DMD: variants seen among roughly 807,000 people sequenced by gnomAD.
The protein encoded by DMD is dystrophin.
In DMD, 63 loss-of-function variants were observed where a neutral mutation model predicts 330.1. The observed-to-expected ratio is 0.19, with a 90% CI of 0.16 to 0.24. The LOEUF is 0.24. Ranked by LOEUF, DMD falls within the 10% of genes least tolerant of loss-of-function variation. The probability of loss-of-function intolerance (pLI) is 1.00; values close to 1 mark genes in which losing one functional copy is unlikely to be tolerated. For missense variants in DMD, 3,344 were observed against 2,684.1 expected (o/e 1.25, Z -5.43); for synonymous variants, 1,223 against 959.8 (o/e 1.27, Z -5.07).
At chrX:33,187,895 A>G (rs899999608) in intron 1 of DMD, among the ~76,000 whole-genome samples, 1 of 111,762 alleles carries the variant, frequency 8.9e-6, no homozygotes, top group African/African-American at 3.2e-5. Flanking sequence ...TTAAGTTGCA[A>G]TAATTAAATT....
intron 61 of DMD, among the ~76,000 whole-genome samples, chrX:31,334,336 C>T (rs1490239323): frequency 8.9e-6 from 1 of 112,209 alleles, no homozygotes; most frequent in Non-Finnish European, 1.9e-5. Context: ...AGGGACCAAG[C>T]AATTATAAAC....
At chrX:31,530,083 T>C (rs1242300473) in intron 55 of DMD, among the ~76,000 whole-genome samples, 1 of 111,792 alleles carries the variant, frequency 8.9e-6, no homozygotes, top group Non-Finnish European at 1.9e-5. Flanking sequence ...ATTCCCCCTG[T>C]ATTTCATACC....
chrX:33,322,494 G>C (rs191975198), intron 1 of DMD, among the ~76,000 whole-genome samples: 1 of 111,400 alleles, frequency 9.0e-6, no homozygotes, highest in Admixed American at 9.6e-5. Flanking sequence ...AATGACAATA[G>C]TAACTTCAAA....
Position 31,839,720 on chromosome X carries a change from G to T in DMD, c.7099-2901C>A, listed in dbSNP as rs1183303900. On this transcript the variant is annotated intron_variant, in intron 48 of 78. Coordinates refer to ENST00000357033, the MANE Select transcript of DMD (RefSeq NM_004006.3). ...CACATTTTTCTTCTTAGCTGAATTT[G>T]TATAATTTAATCTCCATCTAGCAAT... Among the ~76,000 whole-genome samples, 13 of 111,572 alleles carry T rather than the reference G, an allele frequency of 1.2e-4. No individual in the cohort carries two copies. The Admixed American group carries it at 1.2e-3, about 11-fold the overall frequency.
At chrX:31,383,224 A>T (rs142603399) in intron 60 of DMD, among the ~76,000 whole-genome samples, 8,156 of 110,624 alleles carry the variant, frequency 0.074, 729 homozygotes, top group African/African-American at 0.25. Flanking sequence ...AATTTTCCTT[A>T]ACCTACCCAA....
chrX:31,831,756 G>A (rs1252323269), intron 49 of DMD, among the ~76,000 whole-genome samples: 2 of 110,431 alleles, frequency 1.8e-5, no homozygotes, highest in Non-Finnish European at 3.8e-5. Flanking sequence ...CTGCCACCAA[G>A]CCCGGCTAAT....
At chrX:31,855,562 A>C (rs890154717) in intron 48 of DMD, among the ~76,000 whole-genome samples, 2 of 111,950 alleles carry the variant, frequency 1.8e-5, no homozygotes, top group African/African-American at 6.5e-5. Flanking sequence ...TTCAATTCTG[A>C]CTTCATGACT....
chrX:32,538,177 A>T (rs761023397), intron 17 of DMD, among the ~76,000 whole-genome samples: 8 of 112,550 alleles, frequency 7.1e-5, no homozygotes, highest in Middle Eastern at 9.3e-3. Context: ...TCTGAGCCCA[A>T]GCTAAGCCAT....
At chrX:32,174,420 C>A (rs906335773) in intron 44 of DMD, among the ~76,000 whole-genome samples, 5 of 112,367 alleles carry the variant, frequency 4.4e-5, no homozygotes, top group Non-Finnish European at 7.5e-5. Context: ...AAGTGAGAGT[C>A]TGCAAACTGC....
At chrX:31,453,416 C>T (rs2065907591) in intron 59 of DMD, among the ~76,000 whole-genome samples, 1 of 110,829 alleles carries the variant, frequency 9.0e-6, no homozygotes, top group African/African-American at 3.3e-5. Context: ...CCTGCCTTGG[C>T]CTCCCAAAGT....
chrX:32,657,480 AG>A (rs928170631), intron 9 of DMD, among the ~76,000 whole-genome samples: 5 of 111,887 alleles, frequency 4.5e-5, no homozygotes, highest in East Asian at 5.6e-4. Flanking sequence ...ACACCCTAAA[AG>A]GGGGGACCTA....
chrX:31,889,647 T>TCTCTCACACACACACA (rs796563415), intron 47 of DMD, among the ~76,000 whole-genome samples: 1 of 71,615 alleles, frequency 1.4e-5, no homozygotes, highest in African/African-American at 5.6e-5. Flanking sequence ...TCTCTCTCTC[T>TCTCTCACACACACACA]CACACACACA....
chrX:32,439,935 G>GT (rs2098275334), intron 28 of DMD, among the ~76,000 whole-genome samples: 2 of 110,951 alleles, frequency 1.8e-5, no homozygotes, highest in Admixed American at 1.9e-4. Flanking sequence ...AATAGTAATG[G>GT]TAAGTTTTGT....
intron 45 of DMD, among the ~76,000 whole-genome samples, chrX:31,943,878 TGAGAGAGAGAGAGAGAGAGAGAGA>T (rs536982335): frequency 0.053 from 3,965 of 74,374 alleles, 79 homozygotes; most frequent in Non-Finnish European, 0.054. Flanking sequence ...CCCCAGAGAG[TGAGAGAGAGAGAGAGAGAGAGAGA>T]GAGAGAGAGA....
chrX:32,306,837 C>G (rs1415687545), intron 42 of DMD, among the ~76,000 whole-genome samples: 1 of 111,006 alleles, frequency 9.0e-6, no homozygotes, highest in South Asian at 3.8e-4. Context: ...AGACATTCTG[C>G]TCTACCATAA....
intron 61 of DMD, among the ~76,000 whole-genome samples, chrX:31,343,343 A>G (rs947820087): frequency 9.0e-6 from 1 of 111,463 alleles, no homozygotes; most frequent in Non-Finnish European, 1.9e-5. Flanking sequence ...GTAGCAGTGT[A>G]TTAAAACTAG....
intron 41 of DMD, among the ~76,000 whole-genome samples, chrX:32,321,630 C>A (rs2097615746): frequency 9.0e-6 from 1 of 111,518 alleles, no homozygotes; most frequent in Non-Finnish European, 1.9e-5. Flanking sequence ...GAATAGGTTT[C>A]AGCTTGTTAA....
intron 1 of DMD, among the ~76,000 whole-genome samples, chrX:33,203,176 T>C (rs1216355693): frequency 8.9e-6 from 1 of 111,973 alleles, no homozygotes; most frequent in African/African-American, 3.2e-5. Context: ...TAAGCATCTA[T>C]ATTAACTAAA....
intron 53 of DMD, among the ~76,000 whole-genome samples, chrX:31,673,340 A>T (rs1338063938): frequency 4.4e-5 from 5 of 112,371 alleles, no homozygotes; most frequent in African/African-American, 1.6e-4. Context: ...GGGGCCAGGC[A>T]TGTTGGCTCA....
Sources: gnomAD v4.1 joint callset for allele counts (sites outside exome capture counted in the v4.1 genomes callset) on GRCh38, gnomAD v4.1.1 for gene constraint, MANE v1.5 for transcripts, NCBI Gene and HGNC (gene_info 2026-07-23, HGNC 2026-07-21) for gene names.